PTPRD: variants seen among roughly 807,000 people sequenced by gnomAD.
PTPRD encodes the protein protein tyrosine phosphatase receptor type D.
PTPRD carries 34 observed loss-of-function variants against 214.5 expected under a neutral mutation model. That is an observed-to-expected ratio of 0.16 (90% confidence interval 0.12 to 0.21). The LOEUF is 0.21. Ranked by LOEUF, PTPRD falls within the 10% of genes least tolerant of loss-of-function variation. The pLI, the probability that PTPRD is intolerant of heterozygous loss-of-function variation, is 1.00. For missense variants in PTPRD, 2,545 were observed against 2,398.7 expected, an observed-to-expected ratio of 1.06 and a Z score of -1.27; for synonymous variants, 1,128 against 845.7, an observed-to-expected ratio of 1.33 and a Z score of -5.79.
At chr9:9,697,241 G>C (rs1045577718) in intron 7 of PTPRD, among the ~76,000 whole-genome samples, 5 of 151,956 alleles carry the variant, frequency 3.3e-5, no homozygotes, top group African/African-American at 9.7e-5. Flanking sequence ...AGAATATTGT[G>C]AGTTTGTCTG....
At chr9:9,517,294 G>C (rs1041870415) in intron 8 of PTPRD, among the ~76,000 whole-genome samples, 10 of 152,068 alleles carry the variant, frequency 6.6e-5, no homozygotes, top group Admixed American at 2.0e-4. Context: ...AATTCAGTTT[G>C]TATGGGGTAG....
intron 2 of PTPRD, among the ~76,000 whole-genome samples, chr9:10,490,457 C>G (rs1383880385): frequency 6.6e-6 from 1 of 152,114 alleles, no homozygotes; most frequent in Non-Finnish European, 1.5e-5. Context: ...TTTGCAGTAA[C>G]CATTCTATTA....
Position 9,781,964 on chromosome 9 carries a change from A to T in PTPRD, c.-367-15113T>A, listed in dbSNP as rs1420131316. ...CCCACTACCACGCCCGGCTAATTTTATGTATTTTTAGTAGAGGTGGGGTTT... is the reference window on the plus strand; with the variant it reads ...CCCACTACCACGCCCGGCTAATTTTTTGTATTTTTAGTAGAGGTGGGGTTT... On this transcript the variant is annotated intron_variant, in intron 5 of 45. Transcript: ENST00000381196. Among the ~76,000 whole-genome samples, 4 of 151,686 alleles carry T rather than the reference A, an allele frequency of 2.6e-5. No homozygotes were observed. The South Asian group carries it at 6.2e-4, about 24-fold the overall frequency.
At chr9:9,023,774 C>G (rs995792422) in intron 10 of PTPRD, among the ~76,000 whole-genome samples, 1 of 151,914 alleles carries the variant, frequency 6.6e-6, no homozygotes, top group African/African-American at 2.4e-5. Context: ...GTTTCTTGTT[C>G]GTGAGTTAGT....
chr9:9,692,729 A>G (rs1313115053), intron 7 of PTPRD, among the ~76,000 whole-genome samples: 1 of 151,952 alleles, frequency 6.6e-6, no homozygotes. Flanking sequence ...AGTACAGACA[A>G]TTCAACAATA....
intron 8 of PTPRD, among the ~76,000 whole-genome samples, chr9:9,562,298 T>G (rs2083171148): frequency 1.3e-5 from 2 of 152,120 alleles, no homozygotes; most frequent in Admixed American, 1.3e-4. Flanking sequence ...CCTAGAAAAT[T>G]TATCTAAATT....
intron 9 of PTPRD, among the ~76,000 whole-genome samples, chr9:9,221,269 A>G (rs1278206447): frequency 6.6e-6 from 1 of 152,132 alleles, no homozygotes; most frequent in Non-Finnish European, 1.5e-5. Flanking sequence ...GATGCATGAC[A>G]TGATCAGGAT....
intron 11 of PTPRD, among the ~76,000 whole-genome samples, chr9:8,953,974 C>A (rs1389653075): frequency 7.2e-5 from 11 of 151,870 alleles, no homozygotes; most frequent in Non-Finnish European, 1.5e-4. Context: ...ATAATTCAAC[C>A]CAGGAATCCC....
chr9:9,114,460 G>A (rs2099810266), intron 10 of PTPRD, among the ~76,000 whole-genome samples: 1 of 152,118 alleles, frequency 6.6e-6, no homozygotes. Flanking sequence ...CTGTAGGTGG[G>A]CACAATCTGA....
chr9:9,729,350 A>G (rs1403588441), intron 7 of PTPRD, among the ~76,000 whole-genome samples: 2 of 152,114 alleles, frequency 1.3e-5, no homozygotes, highest in Non-Finnish European at 2.9e-5. Flanking sequence ...AGAGGAAGAG[A>G]AAGACTGAAA....
chr9:9,343,816 G>T (rs903141597), intron 9 of PTPRD, among the ~76,000 whole-genome samples: 20 of 151,956 alleles, frequency 1.3e-4, no homozygotes, highest in Non-Finnish European at 4.4e-5. Flanking sequence ...ATGAAAGTGG[G>T]GAGGATGTTT....
At chr9:10,493,156 G>A (rs1304650101) in intron 2 of PTPRD, among the ~76,000 whole-genome samples, 1 of 152,140 alleles carries the variant, frequency 6.6e-6, no homozygotes, top group East Asian at 1.9e-4. Context: ...TCAATATCGT[G>A]AAAATGGGCA....
chr9:9,267,871 T>C (rs968511190), intron 9 of PTPRD, among the ~76,000 whole-genome samples: 1 of 151,024 alleles, frequency 6.6e-6, no homozygotes, highest in Non-Finnish European at 1.5e-5. Flanking sequence ...ATAGAAGGAA[T>C]ATACTTCAAC....
chr9:9,327,343 G>C (rs905078513), intron 9 of PTPRD, among the ~76,000 whole-genome samples: 1 of 152,078 alleles, frequency 6.6e-6, no homozygotes, highest in Non-Finnish European at 1.5e-5. Context: ...TATTAAATAT[G>C]CTTCCCATAG....
chr9:9,773,860 T>C (rs936932747), intron 5 of PTPRD, among the ~76,000 whole-genome samples: 6 of 152,198 alleles, frequency 3.9e-5, no homozygotes, highest in African/African-American at 1.4e-4. Flanking sequence ...AAAAAAAAGA[T>C]AAGCACTGTT....
chr9:9,243,380 A>C (rs2099971366), intron 9 of PTPRD, among the ~76,000 whole-genome samples: 1 of 152,290 alleles, frequency 6.6e-6, no homozygotes, highest in Non-Finnish European at 1.5e-5. Flanking sequence ...ACATTGATGC[A>C]AAAATCCTCA....
chr9:9,812,359 C>T (rs2047407491), intron 5 of PTPRD, among the ~76,000 whole-genome samples: 1 of 151,756 alleles, frequency 6.6e-6, no homozygotes, highest in African/African-American at 2.4e-5. Context: ...ATGAAATTAT[C>T]CAATCAAGAA....
intron 9 of PTPRD, among the ~76,000 whole-genome samples, chr9:9,381,950 T>A (rs1243363945): frequency 6.6e-6 from 1 of 151,844 alleles, no homozygotes; most frequent in Non-Finnish European, 1.5e-5. Flanking sequence ...TAACATTGAA[T>A]GTATAGATCA....
chr9:10,547,958 A>G (rs186399154), intron 2 of PTPRD, among the ~76,000 whole-genome samples: 3 of 152,252 alleles, frequency 2.0e-5, no homozygotes, highest in Admixed American at 2.0e-4. Flanking sequence ...ATCAATCATG[A>G]GCTAAAGACA....
Sources: gnomAD v4.1 joint callset for allele counts (sites outside exome capture counted in the v4.1 genomes callset) on GRCh38, gnomAD v4.1.1 for gene constraint, MANE v1.5 for transcripts, NCBI Gene and HGNC (gene_info 2026-07-23, HGNC 2026-07-21) for gene names.